The following GOLGA8H variants were observed in gnomAD, a reference collection of about 807,000 sequenced individuals.
GOLGA8H encodes the protein golgin subfamily A member 8H.
GOLGA8H carries 47 observed loss-of-function variants against 82.7 expected under a neutral mutation model. The observed-to-expected ratio is 0.57, with a 90% CI of 0.45 to 0.73. The LOEUF (loss-of-function observed/expected upper bound fraction) is 0.73. Ranked by LOEUF, GOLGA8H falls within the 30% of genes least tolerant of loss-of-function variation. The pLI, the probability that GOLGA8H is intolerant of heterozygous loss-of-function variation, is 0.00. For synonymous variants in GOLGA8H, 108 were observed against 241.6 expected (o/e 0.45, Z 5.13); for missense variants, 372 against 661.0 (o/e 0.56, Z 4.79).
rs528697991 is a variant in GOLGA8H at position 30,608,689 on chromosome 15, A to C, written c.524A>C (p.Gln175Pro). The C allele has an allele frequency of 1.4e-4, 221 of 1,534,838 alleles. 3 individuals carry two copies. The South Asian group carries it at 2.2e-3, about 15-fold the overall frequency. The change falls in exon 8 of 19, where the codon CAG becomes CCG. Residue 175 changes from glutamine to proline, a missense_variant. Coordinates refer to ENST00000566740, the MANE Select transcript of GOLGA8H (RefSeq NM_001282490.2). ...GCTGTCTGCCTGCAACATTCATTGCAGCGTAAAGGAGAGTTAGAGAGTGTT... is the reference window on the plus strand; with the variant it reads ...GCTGTCTGCCTGCAACATTCATTGCCGCGTAAAGGAGAGTTAGAGAGTGTT... ...DLAVCLQHSL[Q>P]RKGELESVLS...
rs546386917 is a variant in GOLGA8H at position 30,615,360 on chromosome 15, T to C, written c.*799T>C. 6.6e-6 allele frequency among the ~76,000 whole-genome samples: 1 copy of C among 151,916 alleles called. No homozygotes were observed. The highest frequency in any genetic ancestry group is 2.4e-5 in the African/African-American group (1 of 41,378). On this transcript the variant is annotated 3_prime_UTR_variant, in exon 19 of 19. Coordinates refer to ENST00000566740, the MANE Select transcript of GOLGA8H (RefSeq NM_001282490.2). ...TCATGAGCTGCAGCAGTTGCACTCT[T>C]TTTCGATGACCTAAAAAGGGCTTAT...
At chr15:30,611,493 T>C in intron 13 of GOLGA8H, 147 bp downstream of exon 13, 1 of 1,516,840 alleles carries the variant, frequency 6.6e-7, no homozygotes, top group Non-Finnish European at 8.9e-7. Context: ...TGTGACTGTT[T>C]CTTGCTTCCT....
chr15:30,607,615 G>A (rs796479982), intron 4 of GOLGA8H: 8,698 of 376,588 alleles, frequency 0.023, 317 homozygotes, highest in African/African-American at 0.085. Flanking sequence ...CCCCTAGAAC[G>A]GAAACCTCAG....
chr15:30,613,855 G>C lies in GOLGA8H; in HGVS notation c.1454G>C (p.Arg485Pro). 6.2e-7 allele frequency: 1 copy of C among 1,605,382 alleles called. No homozygotes were observed. The highest frequency in any genetic ancestry group is 1.1e-5 in the South Asian group (1 of 90,974). The change falls in exon 16 of 19, where the codon CGA becomes CCA. Residue 485 changes from arginine to proline, a missense_variant. By Grantham distance (103) the Arg-to-Pro change is moderately radical. Coordinates refer to ENST00000566740, the MANE Select transcript of GOLGA8H (RefSeq NM_001282490.2). ...GAACTCTGCTTCATCCACCACTGGC[G>C]AGACAGATGCCATCAGTGAGTGGGA... ...KKELCFIHHW[R>P]DRCHQKTHHL...
At chr15:30,605,173 CT>C (rs1230894481) in intron 1 of GOLGA8H, among the ~76,000 whole-genome samples, 7 of 136,110 alleles carry the variant, frequency 5.1e-5, no homozygotes, top group African/African-American at 1.7e-4. Flanking sequence ...TCTTGGGAAA[CT>C]GAACTTGACA....
In GOLGA8H at chr15:30,613,824, A is replaced by C; in HGVS notation, c.1423A>C (p.Lys475Gln). The change falls in exon 16 of 19, where the codon AAA (lysine) becomes CAA (glutamine). Residue 475 changes from lysine to glutamine, a missense_variant. Lys to Gln is a moderately conservative substitution (Grantham distance 53). Coordinates refer to ENST00000566740, the MANE Select transcript of GOLGA8H (RefSeq NM_001282490.2). The stretch of plus-strand genomic sequence containing the variant: ...GGCAGACCTGAGTGAGCTGGTGAAG[A>C]AAAAAGAACTCTGCTTCATCCACCA... ...EKADLSELVK[K>Q]KELCFIHHWR... 3 of 1,601,428 alleles carry C rather than the reference A, an allele frequency of 1.9e-6. No homozygotes were observed. The highest frequency in any genetic ancestry group is 2.5e-6 in the Non-Finnish European group (3 of 1,178,980).
intron 11 of GOLGA8H, 53 bp from the exon 12 acceptor site, chr15:30,610,713 G>T: frequency 1.7e-6 from 1 of 588,470 alleles, no homozygotes; most frequent in South Asian, 2.0e-5. Flanking sequence ...CCAAGAGGAG[G>T]GTTTTTCTTT....
Position 30,616,790 on chromosome 15 carries a change from G to T in GOLGA8H, c.*2229G>T, listed in dbSNP as rs1223706276. 1.3e-5 allele frequency among the ~76,000 whole-genome samples: 2 copies of T among 149,206 alleles called. No homozygotes were observed. The highest frequency in any genetic ancestry group is 6.7e-5 in the Admixed American group (1 of 14,974). The stretch of plus-strand genomic sequence containing the variant: ...TTATCTAATACATTGATAAATTATT[G>T]CAAAGGTACTTTTATCGTTGAAATC... On this transcript the variant is annotated 3_prime_UTR_variant, in exon 19 of 19. Coordinates refer to ENST00000566740, the MANE Select transcript of GOLGA8H (RefSeq NM_001282490.2).
intron 2 of GOLGA8H, among the ~76,000 whole-genome samples, 189 bp downstream of exon 2, chr15:30,606,151 G>A (rs1053186792): frequency 4.6e-5 from 7 of 151,614 alleles, no homozygotes; most frequent in African/African-American, 1.2e-4. Context: ...TCAGGCGATC[G>A]AGACCATCCT....
rs765066489 is a variant in GOLGA8H, at chr15:30,608,405, C to T, written c.396+27C>T. 9 of 1,571,146 alleles carry T rather than the reference C, an allele frequency of 5.7e-6. No homozygotes were observed. The South Asian group carries it at 8.0e-5, about 14-fold the overall frequency. The stretch of plus-strand genomic sequence containing the variant: ...TGAGTGGAGGGTGTGCAGTTTCCTC[C>T]TGTCCTCCGGAGAAGGTTTCTTTCC... On this transcript the variant is annotated intron_variant, in intron 6 of 18. Transcript: ENST00000566740.
At chr15:30,609,724 C>T (rs1394919690) in intron 8 of GOLGA8H, 82 bp from the exon 9 acceptor site, 1 of 1,573,408 alleles carries the variant, frequency 6.4e-7, no homozygotes, top group Admixed American at 1.8e-5. Flanking sequence ...GTATATTGGG[C>T]CTAGCCCTAG....
intron 8 of GOLGA8H, among the ~76,000 whole-genome samples, chr15:30,609,144 T>TGTGC (rs2059976722): frequency 9.2e-6 from 1 of 108,858 alleles, no homozygotes; most frequent in Non-Finnish European, 1.9e-5. Context: ...TGTGTGTGTG[T>TGTGC]GCATACTGTG....
In GOLGA8H at chr15:30,610,107, G is replaced by A. The variant is rs1464895719; in HGVS notation, c.786+1G>A. On this transcript the variant is annotated splice_donor_variant, in intron 10 of 18. Transcript: ENST00000566740. LOFTEE classifies it high-confidence loss of function. Reference sequence around the variant, plus strand: ...GAGGATGAGAAAAATGTCGCAGGAGGTGAGATCTCACCCTTCAGCCCCCCC... The same window carrying A: ...GAGGATGAGAAAAATGTCGCAGGAGATGAGATCTCACCCTTCAGCCCCCCC... 18 of 1,610,966 alleles carry A rather than the reference G, an allele frequency of 1.1e-5. No individual in the cohort carries two copies. Among genetic ancestry groups the A allele is most frequent in the Admixed American group, 3.3e-5 (2 of 59,964 alleles).
chr15:30,613,617 GC>G (rs2060059487), intron 15 of GOLGA8H, 152 bp from the exon 16 acceptor site: 1 of 208,158 alleles, frequency 4.8e-6, no homozygotes, highest in East Asian at 1.9e-4. Flanking sequence ...GGGCCTGGGG[GC>G]GAGTCTGTGA....
At chr15:30,610,644 G>C in intron 11 of GOLGA8H, 122 bp from the exon 12 acceptor site, 2 of 1,375,454 alleles carry the variant, frequency 1.5e-6, no homozygotes, top group Non-Finnish European at 2.0e-6. Context: ...GCTACCATCT[G>C]GGTGCGAGGA....
rs1265658878 is a variant in GOLGA8H, at chr15:30,609,787, C to T, written c.592-19C>T. On this transcript the variant is annotated intron_variant, in intron 8 of 18. Transcript: ENST00000566740. ...GCCCAGGCTCTCCAGATTGAAACTTCTCACTCTTCACCATCCAGTTGTCCA... is the reference window on the plus strand; with the variant it reads ...GCCCAGGCTCTCCAGATTGAAACTTTTCACTCTTCACCATCCAGTTGTCCA... The T allele has an allele frequency of 1.3e-6, 2 of 1,534,204 alleles. No individual in the cohort carries two copies. The highest frequency in any genetic ancestry group is 1.9e-5 in the Admixed American group (1 of 53,884).
At chr15:30,606,352 C>T (rs1166329094) in intron 2 of GOLGA8H, among the ~76,000 whole-genome samples, 1 of 146,154 alleles carries the variant, frequency 6.8e-6, no homozygotes, top group Admixed American at 6.8e-5. Context: ...GACTCTGTCT[C>T]AAAGAAAAAA....
chr15:30,610,385 G>T lies in GOLGA8H; in HGVS notation c.870G>T (p.Gln290His). Residue 290 changes from glutamine to histidine, a missense_variant, in exon 11 of 19, where the codon CAG becomes CAT. Coordinates refer to ENST00000566740, the MANE Select transcript of GOLGA8H (RefSeq NM_001282490.2). Reference protein sequence around the residue: ...LERSLSKLKNQMAEPLPPEPP... With the variant: ...LERSLSKLKNHMAEPLPPEPP... ...GGAGCTTGTCCAAACTCAAAAACCA[G>T]ATGGGTAAGATGGGGCTGGCATGAC... 1 of 987,322 alleles carries T rather than the reference G, an allele frequency of 1.0e-6. No homozygotes were observed. Among genetic ancestry groups the T allele is most frequent in the Middle Eastern group, 3.2e-4 (1 of 3,158 alleles). 61.2% of individuals were successfully genotyped at this position (987,322 alleles called of 1,614,324 possible).
intron 7 of GOLGA8H, 40 bp from the exon 8 acceptor site, chr15:30,608,607 G>C (rs1416697888): frequency 6.2e-7 from 1 of 1,603,998 alleles, no homozygotes; most frequent in African/African-American, 1.4e-5. Flanking sequence ...AGGTCTTCAG[G>C]GGGAGTCCTT....
Sources: gnomAD v4.1 joint callset for allele counts (sites outside exome capture counted in the v4.1 genomes callset) on GRCh38, gnomAD v4.1.1 for gene constraint, MANE v1.5 for transcripts, NCBI Gene and HGNC (gene_info 2026-07-23, HGNC 2026-07-21) for gene names.